TF: variants seen among roughly 807,000 people sequenced by gnomAD.
The protein encoded by TF is transferrin.
Under a neutral mutation model 82.4 loss-of-function variants are expected in TF, and 55 were observed. The observed-to-expected ratio is 0.67, with a 90% CI of 0.54 to 0.84. The LOEUF (loss-of-function observed/expected upper bound fraction) is 0.84, where lower values mean the gene tolerates loss of function less well. Ranked by LOEUF, TF falls within the 40% of genes least tolerant of loss-of-function variation. The pLI is 0.00. For missense variants in TF, 737 were observed against 868.4 expected, an observed-to-expected ratio of 0.85 and a Z score of 1.90; for synonymous variants, 332 against 332.6, an observed-to-expected ratio of 1.00 and a Z score of 0.02.
the TF span, among the ~76,000 whole-genome samples, chr3:133,696,151 A>G: frequency 6.6e-6 from 1 of 152,164 alleles, no homozygotes; most frequent in Admixed American, 6.5e-5. Context: ...TTGGCTGGGC[A>G]GAGTGACTCA....
In TF at chr3:133,778,089, A is replaced by G. The variant is rs41296618; in HGVS notation, c.2063-497A>G. The G allele has an allele frequency of 5.8e-3, 971 of 168,586 alleles. 6 individuals are homozygous for G. The highest frequency in any genetic ancestry group is 8.9e-3 in the Middle Eastern group (3 of 336). 10.4% of individuals were successfully genotyped at this position (168,586 alleles called of 1,614,324 possible). On this transcript the variant is annotated intron_variant, in intron 16 of 16. Coordinates refer to ENST00000402696, the MANE Select transcript of TF (RefSeq NM_001063.4). ...CCCATGTAATTCTGACGGAAGCAGC[A>G]ATGTGCTTGTCTAGGTTCGCTATTG...
chr3:133,757,414 T>C (rs2049385456), intron 7 of TF, among the ~76,000 whole-genome samples: 1 of 152,230 alleles, frequency 6.6e-6, no homozygotes, highest in Non-Finnish European at 1.5e-5. Flanking sequence ...TCCCAAGAGC[T>C]GTGTGATTTG....
At chr3:133,679,400 T>A in the TF span, among the ~76,000 whole-genome samples, 1 of 152,174 alleles carries the variant, frequency 6.6e-6, no homozygotes, top group Non-Finnish European at 1.5e-5. Flanking sequence ...TATAGTTCAG[T>A]GAATCTTCGC....
At chr3:133,702,848 C>T in the TF span, among the ~76,000 whole-genome samples, 2 of 152,112 alleles carry the variant, frequency 1.3e-5, no homozygotes, top group Non-Finnish European at 2.9e-5. Context: ...GCACCAATTC[C>T]TAAGATTAAG....
upstream of TF, among the ~76,000 whole-genome samples, chr3:133,742,923 T>C (rs1415502981): frequency 6.6e-6 from 1 of 152,236 alleles, no homozygotes; most frequent in Non-Finnish European, 1.5e-5. Context: ...TTTTGCCCTG[T>C]TTGCGGTGAA....
the TF span, among the ~76,000 whole-genome samples, chr3:133,735,091 C>G: frequency 1.3e-5 from 2 of 151,998 alleles, no homozygotes. Context: ...TGCTGTTGTC[C>G]CAGCACTTTG....
the TF span, among the ~76,000 whole-genome samples, chr3:133,729,516 G>C: frequency 3.9e-5 from 6 of 152,208 alleles, no homozygotes; most frequent in South Asian, 1.2e-3. Context: ...TCGGAAAAGC[G>C]CAGTATTCGG....
chr3:133,683,462 C>T, the TF span, among the ~76,000 whole-genome samples: 1 of 152,094 alleles, frequency 6.6e-6, no homozygotes. Context: ...ACCCATCTCA[C>T]ATGCAGAGAC....
chr3:133,664,520 C>G, the TF span, among the ~76,000 whole-genome samples: 3 of 152,042 alleles, frequency 2.0e-5, no homozygotes, highest in Admixed American at 2.0e-4. Context: ...ACGGGTTTCA[C>G]CTTGTTGGCC....
chr3:133,773,924 C>T lies in TF; in HGVS notation c.1688-1509C>T, dbSNP rs771198168. On this transcript the variant is annotated intron_variant, in intron 14 of 16. Coordinates refer to ENST00000402696, the MANE Select transcript of TF (RefSeq NM_001063.4). The stretch of plus-strand genomic sequence containing the variant: ...CCAGGCACACACCTGCCCCCAGTCT[C>T]GCCTGCACTCTCCTTTCCTCCCGCA... 340 of 152,512 alleles carry T rather than the reference C, an allele frequency of 2.2e-3. 1 individual carries two copies. Among genetic ancestry groups the T allele is most frequent in the Non-Finnish European group, 3.6e-3 (246 of 68,198 alleles). 9.4% of individuals were successfully genotyped at this position (152,512 alleles called of 1,614,324 possible).
At position 133,778,880 on chromosome 3, in the gene TF, CAGCTCA is replaced by C. The variant is rs1404481238; in HGVS notation, c.*263_*268del. On this transcript the variant is annotated 3_prime_UTR_variant, in exon 17 of 17. Coordinates refer to ENST00000402696, the MANE Select transcript of TF (RefSeq NM_001063.4). The stretch of plus-strand genomic sequence containing the variant: ...CCTATGCAACTGAGCCCTTCCTTCT[CAGCTCA>C]AGATTCGTCTGGTCTTTCCCTACAG... 2.5e-6 allele frequency: 1 copy of C among 397,868 alleles called. No individual in the cohort carries two copies. The highest frequency in any genetic ancestry group is 4.7e-6 in the Non-Finnish European group (1 of 211,710). 24.6% of individuals were successfully genotyped at this position (397,868 alleles called of 1,614,324 possible). A position where few individuals can be genotyped will look rare whatever the true frequency, so the allele number is the denominator to read the frequency against.
upstream of TF, among the ~76,000 whole-genome samples, chr3:133,742,837 C>G (rs1933417835): frequency 6.6e-6 from 1 of 152,210 alleles, no homozygotes; most frequent in South Asian, 2.1e-4. Flanking sequence ...TGCTGGTCAG[C>G]TTTTCCAGCT....
intron 14 of TF, among the ~76,000 whole-genome samples, chr3:133,771,538 C>G (rs1056552570): frequency 6.6e-6 from 1 of 151,440 alleles, no homozygotes; most frequent in South Asian, 2.1e-4. Context: ...GAGATCGAGA[C>G]CATCCTGGCC....
chr3:133,746,356 G>C (rs1316519351), upstream of TF: 5 of 1,498,414 alleles, frequency 3.3e-6, no homozygotes, highest in Non-Finnish European at 4.5e-6. Context: ...GCCCAGGCCG[G>C]GAATGGAATA....
intron 1 of TF, chr3:133,747,094 C>T (rs1045298247): frequency 6.5e-6 from 1 of 154,258 alleles, no homozygotes; most frequent in Non-Finnish European, 1.4e-5. Context: ...TGGCTGACGC[C>T]ACACTCCCCG....
intron 2 of TF, among the ~76,000 whole-genome samples, chr3:133,753,012 T>C (rs1302787213): frequency 6.6e-6 from 1 of 152,126 alleles, no homozygotes; most frequent in Non-Finnish European, 1.5e-5. Context: ...CATTGAGTAC[T>C]GAGTCAGAGT....
intron 13 of TF, 68 bp from the exon 14 acceptor site, chr3:133,770,440 C>T: frequency 7.0e-7 from 1 of 1,421,352 alleles, no homozygotes; most frequent in Non-Finnish European, 1.0e-6. Flanking sequence ...TATAAGGTAG[C>T]CCCCTGAATG....
upstream of TF, among the ~76,000 whole-genome samples, chr3:133,741,073 C>A (rs1475602582): frequency 1.4e-5 from 2 of 147,240 alleles, no homozygotes; most frequent in Non-Finnish European, 3.0e-5. Flanking sequence ...GTCACTGCAA[C>A]CTCTGCCTCC....
At chr3:133,689,432 G>A in the TF span, among the ~76,000 whole-genome samples, 1 of 152,012 alleles carries the variant, frequency 6.6e-6, no homozygotes, top group African/African-American at 2.4e-5. Context: ...TTTCCAGATG[G>A]AAAGACTAAA....
Sources: gnomAD v4.1 joint callset for allele counts (sites outside exome capture counted in the v4.1 genomes callset) on GRCh38, gnomAD v4.1.1 for gene constraint, MANE v1.5 for transcripts, NCBI Gene and HGNC (gene_info 2026-07-23, HGNC 2026-07-21) for gene names.